ABCA1: variants seen among roughly 807,000 people sequenced by gnomAD.
The protein encoded by ABCA1 is phospholipid-transporting ATPase ABCA1.
In ABCA1, 133 loss-of-function variants were observed where a neutral mutation model predicts 262.5. The ratio of observed to expected loss-of-function variants is 0.51; its 90% CI spans 0.44 to 0.59. The LOEUF is 0.59. Among genes scored for constraint, ABCA1 ranks in the 20% least tolerant of loss-of-function variants. The pLI, the probability that ABCA1 is intolerant of heterozygous loss-of-function variation, is 0.00. For synonymous variants in ABCA1, 1,022 were observed against 1,043.5 expected (o/e 0.98, Z 0.40); for missense variants, 2,452 against 2,777.5 (o/e 0.88, Z 2.63).
chr9:104,890,280 A>T (rs1251262758), intron 2 of ABCA1, among the ~76,000 whole-genome samples: 3 of 152,156 alleles, frequency 2.0e-5, no homozygotes, highest in Non-Finnish European at 4.4e-5. Flanking sequence ...TTCTTTTTTT[A>T]AAAAAAGCAA....
At chr9:104,857,086 C>T (rs191123270) in intron 7 of ABCA1, among the ~76,000 whole-genome samples, 111 of 152,236 alleles carry the variant, frequency 7.3e-4, no homozygotes, top group Middle Eastern at 3.4e-3. Context: ...GGGCAGATCA[C>T]TTGAGCTCAG....
At chr9:104,882,041 A>AAAAAAAAAAAAAAAAAAAAAAC (rs1838710089) in intron 5 of ABCA1, among the ~76,000 whole-genome samples, 1 of 146,504 alleles carries the variant, frequency 6.8e-6, no homozygotes, top group African/African-American at 2.5e-5. Context: ...AAAAAAAAAA[A>AAAAAAAAAAAAAAAAAAAAAAC]AAAAAAAAAA....
intron 3 of ABCA1, among the ~76,000 whole-genome samples, chr9:104,887,722 C>CCTTT: frequency 1.0e-5 from 1 of 98,850 alleles, no homozygotes; most frequent in Non-Finnish European, 1.9e-5. Context: ...TCAGTTTATG[C>CCTTT]TTTTTTTTTT....
At chr9:104,830,848 C>G in intron 14 of ABCA1, 77 bp downstream of exon 14, 1 of 1,498,400 alleles carries the variant, frequency 6.7e-7, no homozygotes, top group South Asian at 1.1e-5. Context: ...CACATGCATG[C>G]ACATGCACAC....
chr9:104,819,467 G>T, intron 22 of ABCA1, 119 bp downstream of exon 22: 35 of 1,368,776 alleles, frequency 2.6e-5, no homozygotes, highest in Non-Finnish European at 3.3e-5. Context: ...TCTCTTCTGT[G>T]ATAACAGAAG....
chr9:104,870,379 C>T (rs4149276), intron 5 of ABCA1, among the ~76,000 whole-genome samples: 3 of 152,082 alleles, frequency 2.0e-5, no homozygotes, highest in African/African-American at 7.2e-5. Context: ...GCCAGAGGGT[C>T]GGGTGAGCAG....
chr9:104,828,833 T>A lies in ABCA1; in HGVS notation c.2115+83A>T. ...CCCCTTCTCTACCAGAGGCTTGGAT[T>A]TTTTTTCTTCTTCTCCTCCCTTAGC... On this transcript the variant is annotated intron_variant, in intron 15 of 49. Coordinates refer to ENST00000374736, the MANE Select transcript of ABCA1 (RefSeq NM_005502.4). 2 of 1,407,206 alleles carry A rather than the reference T, an allele frequency of 1.4e-6. 1 individual carries two copies. Among genetic ancestry groups the A allele is most frequent in the Non-Finnish European group, 2.0e-6 (2 of 1,015,308 alleles). 87.2% of individuals were successfully genotyped at this position (1,407,206 alleles called of 1,614,324 possible). A position where few individuals can be genotyped will look rare whatever the true frequency, so the allele number is the denominator to read the frequency against.
At chr9:104,826,194 C>A (rs751309462) in intron 16 of ABCA1, among the ~76,000 whole-genome samples, 1 of 152,184 alleles carries the variant, frequency 6.6e-6, no homozygotes, top group Admixed American at 6.5e-5. Context: ...CCTGTTCCCC[C>A]ACACACATGC....
chr9:104,816,208 T>G lies in ABCA1; in HGVS notation c.3673A>C (p.Ile1225Leu). ...EGAFVELFHE[I>L]DDRLSDLGIS... ...CCCAGGTCTGAGAGCCGGTCATCAA[T>G]CTCATGAAAGAGTTCCACAAAGGCT... Residue 1225 changes from isoleucine (I) to leucine (L), a missense_variant, in exon 25 of 50, where the codon ATT (isoleucine) becomes CTT (leucine). Physicochemically the swap from Ile to Leu is conservative, Grantham distance 5 (BLOSUM62 2). This residue lies in a region of ABCA1 where 665 missense variants were observed against 727.3 expected (regional missense o/e 0.91). Transcript: ENST00000374736. 6.2e-7 allele frequency: 1 copy of G among 1,614,134 alleles called. No individual in the cohort carries two copies.
intron 5 of ABCA1, among the ~76,000 whole-genome samples, chr9:104,866,452 A>C (rs72732692): frequency 0.077 from 11,606 of 150,308 alleles, 626 homozygotes; most frequent in African/African-American, 0.15. Context: ...TCCCATCCTC[A>C]AGCTGGGTTA....
rs1244907168 is a variant in ABCA1 at position 104,883,027 on chromosome 9, GT to G, written c.421+11del. 6.2e-7 allele frequency: 1 copy of G among 1,603,178 alleles called. No individual in the cohort carries two copies. The highest frequency in any genetic ancestry group is 1.3e-5 in the African/African-American group (1 of 74,718). ...CCAATTATAAACGGATGCAGAGAAG[GT>G]TTTTACTTACTTGAGCTGGATTTCT... On this transcript the variant is annotated intron_variant, in intron 5 of 49. Coordinates refer to ENST00000374736, the MANE Select transcript of ABCA1 (RefSeq NM_005502.4).
chr9:104,835,803 A>G (rs916540658), intron 11 of ABCA1, among the ~76,000 whole-genome samples: 18 of 152,178 alleles, frequency 1.2e-4, no homozygotes, highest in African/African-American at 4.3e-4. Context: ...AAGAACTGGG[A>G]GCTTATGAAG....
At chr9:104,880,726 G>C (rs909826812) in intron 5 of ABCA1, among the ~76,000 whole-genome samples, 2 of 152,096 alleles carry the variant, frequency 1.3e-5, no homozygotes, top group Non-Finnish European at 2.9e-5. Context: ...TGAACAGAGA[G>C]ATGTAAAACA....
intron 37 of ABCA1, among the ~76,000 whole-genome samples, chr9:104,797,742 CT>C (rs1196151243): frequency 1.3e-5 from 2 of 152,140 alleles, no homozygotes; most frequent in African/African-American, 2.4e-5. Flanking sequence ...CATATATCAT[CT>C]TATCTGGGTA....
rs144006067 is a variant in ABCA1, at chr9:104,886,871, G to A, written c.160+2231C>T. Among the ~76,000 whole-genome samples the A allele has an allele frequency of 3.7e-3, 557 of 152,326 alleles. 6 individuals are homozygous for A. Among genetic ancestry groups the A allele is most frequent in the African/African-American group, 0.013 (532 of 41,564 alleles). On this transcript the variant is annotated intron_variant, in intron 3 of 49. Transcript: ENST00000374736. ...AAGATTTACAGAGAATTTCAAACCA[G>A]TCCTTTGTTCCTAGGGACAAGACAC...
chr9:104,810,552 T>C (rs983502279), intron 29 of ABCA1, among the ~76,000 whole-genome samples: 3 of 152,138 alleles, frequency 2.0e-5, no homozygotes, highest in Non-Finnish European at 4.4e-5. Context: ...CTAAAACACA[T>C]GTGGCTGTTC....
In ABCA1 at chr9:104,828,938, C is replaced by A. The variant is rs1468402355; in HGVS notation, c.2093G>T (p.Gly698Val). The change falls in exon 15 of 50, where the codon GGC (glycine) becomes GTC (valine). Residue 698 changes from glycine (G) to valine (V), a missense_variant. Physicochemically the swap from Gly to Val is moderately radical, Grantham distance 109. Around this residue, in one of 4 missense-constraint regions of ABCA1, gnomAD observed 1,032 missense variants for 1,089.7 expected, o/e 0.95. Transcript: ENST00000374736. ...SSLIPLLVSA[G>V]LLVVILKLGN... ...TACCTTCAGGATGACCACTAGCAGG[C>A]CAGCGCTCACAAGAAGAGGAATGAG... 6.2e-7 allele frequency: 1 copy of A among 1,614,092 alleles called. No homozygotes were observed. The highest frequency in any genetic ancestry group is 8.5e-7 in the Non-Finnish European group (1 of 1,180,018).
intron 12 of ABCA1, among the ~76,000 whole-genome samples, 168 bp downstream of exon 12, chr9:104,832,406 A>G (rs1169758056): frequency 1.3e-5 from 2 of 152,210 alleles, no homozygotes; most frequent in Admixed American, 6.5e-5. Flanking sequence ...CTCAACTAAC[A>G]TTTATTAAGT....
intron 2 of ABCA1, among the ~76,000 whole-genome samples, chr9:104,899,952 T>C (rs1840530020): frequency 6.6e-6 from 1 of 152,172 alleles, no homozygotes; most frequent in Non-Finnish European, 1.5e-5. Flanking sequence ...AACTGTTACT[T>C]TGGACCCAAA....
Sources: allele counts gnomAD v4.1 joint callset (sites outside exome capture counted in the v4.1 genomes callset), GRCh38; gene constraint gnomAD v4.1.1; regional missense constraint gnomAD v4.1.1; transcripts MANE v1.5; gene names NCBI Gene and HGNC (gene_info 2026-07-23, HGNC 2026-07-21).